ARHGAP10: variants seen among roughly 807,000 people sequenced by gnomAD.
The protein encoded by ARHGAP10 is Rho GTPase activating protein 10.
In ARHGAP10, 87 loss-of-function variants were observed where a neutral mutation model predicts 108.6. The ratio of observed to expected loss-of-function variants is 0.80; its 90% confidence interval spans 0.67 to 0.96. The LOEUF (loss-of-function observed/expected upper bound fraction) is 0.96. ARHGAP10 is among the 40% of genes least tolerant of loss of function. ARHGAP10 has a pLI of 0.00. For missense variants in ARHGAP10, 939 were observed against 954.5 expected (o/e 0.98, Z 0.21); for synonymous variants, 347 against 341.1 (o/e 1.02, Z -0.19).
intron 18 of ARHGAP10, among the ~76,000 whole-genome samples, chr4:148,020,701 G>A (rs1181125737): frequency 6.6e-6 from 1 of 152,022 alleles, no homozygotes; most frequent in African/African-American, 2.4e-5. Flanking sequence ...TTATTGGTGG[G>A]CATTTGGGTT....
At chr4:147,801,218 A>G (rs936103510) in intron 1 of ARHGAP10, among the ~76,000 whole-genome samples, 3 of 152,210 alleles carry the variant, frequency 2.0e-5, no homozygotes, top group Non-Finnish European at 4.4e-5. Flanking sequence ...TTATGGAGGT[A>G]AGGAAACATG....
intron 10 of ARHGAP10, among the ~76,000 whole-genome samples, chr4:147,896,837 A>G (rs1016057882): frequency 2.8e-4 from 43 of 152,156 alleles, no homozygotes; most frequent in African/African-American, 9.9e-4. Flanking sequence ...TGATTAGGCT[A>G]TAGATCGAAA....
intron 18 of ARHGAP10, among the ~76,000 whole-genome samples, chr4:148,007,210 C>G (rs1740984941): frequency 6.6e-6 from 1 of 152,164 alleles, no homozygotes; most frequent in East Asian, 1.9e-4. Context: ...TGTGTACTTA[C>G]TATCTGACAC....
At chr4:148,050,289 T>C (rs1399142874) in intron 20 of ARHGAP10, among the ~76,000 whole-genome samples, 1 of 152,066 alleles carries the variant, frequency 6.6e-6, no homozygotes, top group East Asian at 1.9e-4. Context: ...ATGCTGCCTT[T>C]TGGAAATCTC....
At chr4:147,984,095 G>A (rs374691054) in intron 18 of ARHGAP10, among the ~76,000 whole-genome samples, 48 of 152,228 alleles carry the variant, frequency 3.2e-4, no homozygotes, top group African/African-American at 1.1e-3. Flanking sequence ...TTGCAGAGAG[G>A]TTCCTACAGT....
intron 1 of ARHGAP10, among the ~76,000 whole-genome samples, chr4:147,774,253 G>A (rs1730195482): frequency 1.3e-5 from 2 of 152,100 alleles, no homozygotes; most frequent in African/African-American, 4.8e-5. Flanking sequence ...ACTTCCATTT[G>A]TTCCACATTC....
intron 20 of ARHGAP10, among the ~76,000 whole-genome samples, chr4:148,062,527 C>T (rs1286852825): frequency 1.3e-5 from 2 of 152,168 alleles, no homozygotes; most frequent in African/African-American, 4.8e-5. Context: ...TGAACTCTCC[C>T]TCTGTGCTTA....
chr4:147,825,068 C>T (rs995589840), intron 3 of ARHGAP10, among the ~76,000 whole-genome samples: 3 of 152,150 alleles, frequency 2.0e-5, no homozygotes, highest in African/African-American at 7.2e-5. Context: ...CAGCTGGCTT[C>T]GTAGGTGTCA....
At chr4:147,823,187 C>T (rs901321654) in intron 3 of ARHGAP10, among the ~76,000 whole-genome samples, 1 of 152,208 alleles carries the variant, frequency 6.6e-6, no homozygotes, top group African/African-American at 2.4e-5. Flanking sequence ...CTTACTTCTT[C>T]ATCTGTAAAG....
intron 1 of ARHGAP10, among the ~76,000 whole-genome samples, chr4:147,771,655 C>T (rs1186242632): frequency 2.6e-5 from 4 of 152,094 alleles, no homozygotes; most frequent in East Asian, 1.9e-4. Context: ...CTTGCTAGAG[C>T]GGGGTAGAAT....
At chr4:147,961,511 G>A (rs1488722293) in intron 16 of ARHGAP10, among the ~76,000 whole-genome samples, 1 of 152,050 alleles carries the variant, frequency 6.6e-6, no homozygotes, top group Non-Finnish European at 1.5e-5. Flanking sequence ...TGTTGTCCAA[G>A]ATTTTAGTAT....
intron 1 of ARHGAP10, among the ~76,000 whole-genome samples, chr4:147,750,001 A>C (rs1729077640): frequency 6.6e-6 from 1 of 152,214 alleles, no homozygotes; most frequent in African/African-American, 2.4e-5. Context: ...GGCAGTGTTT[A>C]CCTGAGTGTG....
chr4:147,733,647 G>T (rs911579085), intron 1 of ARHGAP10, among the ~76,000 whole-genome samples: 10 of 152,196 alleles, frequency 6.6e-5, no homozygotes, highest in Admixed American at 5.2e-4. Context: ...CAGTAAGGGC[G>T]ATTAAAACAT....
At chr4:147,853,213 G>A (rs1157581422) in intron 4 of ARHGAP10, among the ~76,000 whole-genome samples, 1 of 152,124 alleles carries the variant, frequency 6.6e-6, no homozygotes, top group Admixed American at 6.5e-5. Flanking sequence ...AGATGTGGGA[G>A]GAAATAGTAG....
At chr4:148,059,216 C>T (rs939052310) in intron 20 of ARHGAP10, among the ~76,000 whole-genome samples, 1 of 152,178 alleles carries the variant, frequency 6.6e-6, no homozygotes. Context: ...GGGAAGATAG[C>T]GAACAGATAT....
chr4:147,944,449 C>A lies in ARHGAP10; in HGVS notation c.1304-2168C>A, dbSNP rs10084795. On this transcript the variant is annotated intron_variant, in intron 14 of 22. Coordinates refer to ENST00000336498, the MANE Select transcript of ARHGAP10 (RefSeq NM_024605.4). ...TGACCTCATATGTATGATGCTATGC[C>A]TGTGAAATAACCATCACTTCCTGTT... 5.1e-3 allele frequency among the ~76,000 whole-genome samples: 779 copies of A among 152,302 alleles called. 8 individuals are homozygous for A. Among genetic ancestry groups the A allele is most frequent in the African/African-American group, 0.018 (749 of 41,560 alleles).
chr4:148,060,014 G>A (rs1729539614), intron 20 of ARHGAP10, among the ~76,000 whole-genome samples: 1 of 92,638 alleles, frequency 1.1e-5, no homozygotes, highest in South Asian at 3.9e-4. Context: ...AGGAGAGAGA[G>A]AGGGGAGAGA....
intron 1 of ARHGAP10, among the ~76,000 whole-genome samples, chr4:147,813,141 T>C (rs562230411): frequency 2.8e-5 from 4 of 140,452 alleles, no homozygotes; most frequent in Admixed American, 1.4e-4. Context: ...TTTAGGAGCC[T>C]TTTTTTTTTT....
intron 1 of ARHGAP10, among the ~76,000 whole-genome samples, chr4:147,743,016 A>G (rs536220686): frequency 7.0e-4 from 103 of 147,898 alleles, no homozygotes; most frequent in African/African-American, 2.5e-3. Flanking sequence ...TGCCATACTG[A>G]TCGATAGTTT....
Sources: gnomAD v4.1 joint callset for allele counts (sites outside exome capture counted in the v4.1 genomes callset) on GRCh38, gnomAD v4.1.1 for gene constraint, MANE v1.5 for transcripts, NCBI Gene and HGNC (gene_info 2026-07-23, HGNC 2026-07-21) for gene names.